Variants in ARHGAP35 observed in about 807,000 individuals in gnomAD.
ARHGAP35 encodes the protein rho GTPase-activating protein 35.
A neutral mutation model predicts 111.1 loss-of-function variants in ARHGAP35; 15 were observed. That is an observed-to-expected ratio of 0.13 (90% confidence interval 0.09 to 0.21). ARHGAP35 has a LOEUF of 0.21. Ranked by LOEUF, ARHGAP35 falls within the 10% of genes least tolerant of loss-of-function variation. The pLI is 1.00. For synonymous variants in ARHGAP35, 643 were observed against 710.3 expected (o/e 0.91, Z 1.51); for missense variants, 1,262 against 1,873.0 (o/e 0.67, Z 6.02).
intron 3 of ARHGAP35, among the ~76,000 whole-genome samples, chr19:46,960,050 G>A (rs1434734035): frequency 6.8e-6 from 1 of 147,078 alleles, no homozygotes; most frequent in African/African-American, 2.5e-5. Context: ...TTCAAGGTTA[G>A]AGTGAGCTAT....
At position 46,861,155 on chromosome 19, in the gene ARHGAP35, C is replaced by T. The variant is rs1017834242; in HGVS notation, c.-243C>T. 1.3e-5 allele frequency among the ~76,000 whole-genome samples: 2 copies of T among 151,648 alleles called. No individual in the cohort carries two copies. Among genetic ancestry groups the T allele is most frequent in the African/African-American group, 2.4e-5 (1 of 41,360 alleles). ...GCAGGGGAACATGGCGCCGGGGCCC[C>T]CGTCGTTGCTGCCGGGATTTTGGAG... On this transcript the variant is annotated 5_prime_UTR_variant, in exon 1 of 7. Transcript: ENST00000672722.
chr19:46,908,177 A>G lies in ARHGAP35; in HGVS notation c.-188-10311A>G, dbSNP rs2056120478. Among the ~76,000 whole-genome samples the G allele has an allele frequency of 6.6e-6, 1 of 152,196 alleles. No individual in the cohort carries two copies. The highest frequency in any genetic ancestry group is 1.5e-5 in the Non-Finnish European group (1 of 68,040). ...TTCTTTCAAAAAGAACTTTTTTCCT[A>G]GTGAGAAGTTTTAAAAAAAAATTAG... On this transcript the variant is annotated intron_variant, in intron 1 of 6. Coordinates refer to ENST00000672722, the MANE Select transcript of ARHGAP35 (RefSeq NM_004491.5). This position sits in a 1 kb window ranked among gnomAD's most constrained non-coding sequence, Gnocchi z 4.2.
chr19:46,974,619 G>A (rs1284564390), intron 3 of ARHGAP35, among the ~76,000 whole-genome samples: 3 of 152,104 alleles, frequency 2.0e-5, no homozygotes, highest in Non-Finnish European at 2.9e-5. Flanking sequence ...CAACCCAGAA[G>A]CTCTACAGAC....
chr19:46,896,370 C>G (rs1194625411), intron 1 of ARHGAP35, among the ~76,000 whole-genome samples: 1 of 152,314 alleles, frequency 6.6e-6, no homozygotes, highest in Non-Finnish European at 1.5e-5. Flanking sequence ...TGGGCAACAG[C>G]AAGTCCCTGT....
chr19:46,931,659 G>T (rs1338342977), intron 2 of ARHGAP35, among the ~76,000 whole-genome samples: 1 of 152,184 alleles, frequency 6.6e-6, no homozygotes, highest in African/African-American at 2.4e-5. Flanking sequence ...GGACTATGTT[G>T]TTCATTTTTT....
intron 3 of ARHGAP35, among the ~76,000 whole-genome samples, chr19:46,983,961 G>T (rs953044686): frequency 5.3e-5 from 8 of 152,062 alleles, no homozygotes; most frequent in Non-Finnish European, 1.2e-4. Flanking sequence ...AGAACCATTG[G>T]AACAAGACTT....
chr19:46,882,812 T>C (rs551360568), intron 1 of ARHGAP35, among the ~76,000 whole-genome samples: 1 of 152,294 alleles, frequency 6.6e-6, no homozygotes, highest in African/African-American at 2.4e-5. Context: ...TTCATCCATG[T>C]CCCTGCAAAG....
intron 3 of ARHGAP35, among the ~76,000 whole-genome samples, chr19:46,980,301 C>T (rs1400791775): frequency 6.6e-6 from 1 of 152,174 alleles, no homozygotes; most frequent in African/African-American, 2.4e-5. Context: ...AGGAGAATCG[C>T]TGGAACCCGG....
chr19:46,913,006 G>T (rs1289028178), intron 1 of ARHGAP35, among the ~76,000 whole-genome samples: 1 of 151,796 alleles, frequency 6.6e-6, no homozygotes, highest in East Asian at 1.9e-4. Flanking sequence ...GGAAAATTGT[G>T]ATAACAAGTA....
In ARHGAP35 at chr19:46,930,778, C is replaced by G. The variant is rs555780366; in HGVS notation, c.3682-6486C>G. The stretch of plus-strand genomic sequence containing the variant: ...CATTGTTGCATAGCTGGTACTTGCT[C>G]ATGTGGTACCTAGATGAGCTTTGTT... On this transcript the variant is annotated intron_variant, in intron 2 of 6. Transcript: ENST00000672722. Among the ~76,000 whole-genome samples the G allele has an allele frequency of 2.0e-4, 30 of 151,854 alleles. No homozygotes were observed. In the South Asian group the frequency reaches 2.7e-3, roughly 14 times the overall value.
At chr19:46,984,674 CAT>C (rs564013648) in intron 3 of ARHGAP35, among the ~76,000 whole-genome samples, 4 of 152,170 alleles carry the variant, frequency 2.6e-5, no homozygotes, top group African/African-American at 4.8e-5. Flanking sequence ...GTAAAATAAA[CAT>C]GTGCCCAGAT....
intron 3 of ARHGAP35, among the ~76,000 whole-genome samples, chr19:46,944,459 C>T (rs999109359): frequency 3.9e-5 from 6 of 152,180 alleles, no homozygotes; most frequent in African/African-American, 1.4e-4. Context: ...TCCCCCAAAA[C>T]ATTGAAGTCT....
intron 2 of ARHGAP35, among the ~76,000 whole-genome samples, chr19:46,934,628 A>T (rs537969167): frequency 1.2e-4 from 18 of 149,048 alleles, no homozygotes; most frequent in African/African-American, 4.0e-4. Context: ...TGCCCTCCCA[A>T]AGTGCTAGGA....
chr19:46,879,984 G>A (rs1455778380), intron 1 of ARHGAP35, among the ~76,000 whole-genome samples: 1 of 151,768 alleles, frequency 6.6e-6, no homozygotes, highest in African/African-American at 2.4e-5. Flanking sequence ...AACTTGGGAG[G>A]TTGAGGCATG....
intron 3 of ARHGAP35, among the ~76,000 whole-genome samples, chr19:46,962,102 T>TG (rs1384434055): frequency 6.6e-6 from 1 of 152,210 alleles, no homozygotes; most frequent in Non-Finnish European, 1.5e-5. Context: ...TCTTGATCTG[T>TG]GGGTGCTGTT....
chr19:46,866,784 G>A (rs182552455), intron 1 of ARHGAP35, among the ~76,000 whole-genome samples: 2 of 152,302 alleles, frequency 1.3e-5, no homozygotes, highest in Admixed American at 1.3e-4. Flanking sequence ...AACACTGCCT[G>A]TTTTTCAACC....
Position 46,988,258 on chromosome 19 carries a change from G to A in ARHGAP35, c.3904+192G>A, listed in dbSNP as rs1483736184. 13 of 575,814 alleles carry A rather than the reference G, an allele frequency of 2.3e-5. No homozygotes were observed. The highest frequency in any genetic ancestry group is 5.6e-5 in the African/African-American group (3 of 53,376). 35.7% of individuals were successfully genotyped at this position (575,814 alleles called of 1,614,324 possible). ...GGGGACCGGGTCCTGTCAGTGAACCGAAGCACCATCCCTGCCCAAGCTGGG... is the reference window on the plus strand; with the variant it reads ...GGGGACCGGGTCCTGTCAGTGAACCAAAGCACCATCCCTGCCCAAGCTGGG... On this transcript the variant is annotated intron_variant, in intron 4 of 6. Transcript: ENST00000672722. The surrounding 1 kb of genome is among the most constrained non-coding windows in gnomAD (Gnocchi z 5.4).
At chr19:46,879,224 G>A (rs947593745) in intron 1 of ARHGAP35, among the ~76,000 whole-genome samples, 9 of 152,114 alleles carry the variant, frequency 5.9e-5, no homozygotes, top group African/African-American at 1.9e-4. Flanking sequence ...TCGGAAGGCC[G>A]AGGTGACCTC....
Position 46,988,266 on chromosome 19 carries a change from A to G in ARHGAP35, c.3904+200A>G. ...GGTCCTGTCAGTGAACCGAAGCACC[A>G]TCCCTGCCCAAGCTGGGTCATGTAG... is the stretch of plus-strand genomic sequence containing the variant. On this transcript the variant is annotated intron_variant, in intron 4 of 6. Transcript: ENST00000672722. This position sits in a 1 kb window ranked among gnomAD's most constrained non-coding sequence, Gnocchi z 5.4. 1.8e-6 allele frequency: 1 copy of G among 559,572 alleles called. No homozygotes were observed. Among genetic ancestry groups the G allele is most frequent in the Non-Finnish European group, 3.2e-6 (1 of 310,794 alleles). 34.7% of individuals were successfully genotyped at this position (559,572 alleles called of 1,614,324 possible).
Sources: gnomAD v4.1 joint callset for allele counts (sites outside exome capture counted in the v4.1 genomes callset) on GRCh38, gnomAD v4.1.1 for gene constraint, Gnocchi (gnomAD v3.1) non-coding constraint, MANE v1.5 for transcripts, NCBI Gene and HGNC (gene_info 2026-07-23, HGNC 2026-07-21) for gene names.